The following SLC35D4 variants were observed in gnomAD, a reference collection of about 807,000 sequenced individuals.
SLC35D4 encodes UDP-N-acetylglucosamine transporter SLC35D4.
At chr18:23,410,477 C>CAA in the SLC35D4 span, among the ~76,000 whole-genome samples, 5 of 108,730 alleles carry the variant, frequency 4.6e-5, no homozygotes, top group African/African-American at 1.7e-4. Context: ...GACTCTGTCT[C>CAA]AAAAAAAAAA....
At chr18:23,388,351 C>A in the SLC35D4 span, among the ~76,000 whole-genome samples, 1 of 152,292 alleles carries the variant, frequency 6.6e-6, no homozygotes, top group East Asian at 1.9e-4. Context: ...CTTATTTAAA[C>A]CTCCTCCCAG....
the SLC35D4 span, among the ~76,000 whole-genome samples, chr18:23,372,036 C>T: frequency 2.2e-5 from 3 of 138,636 alleles, no homozygotes; most frequent in Non-Finnish European, 3.1e-5. Flanking sequence ...CCCGGGTTCA[C>T]GCCATTCTCC....
the SLC35D4 span, among the ~76,000 whole-genome samples, chr18:23,381,095 A>G: frequency 6.6e-6 from 1 of 152,214 alleles, no homozygotes; most frequent in South Asian, 2.1e-4. Context: ...CATCAAGAAC[A>G]TATTACAGCA....
the SLC35D4 span, among the ~76,000 whole-genome samples, chr18:23,286,022 A>T: frequency 6.6e-5 from 10 of 152,340 alleles, no homozygotes; most frequent in African/African-American, 2.4e-4. Flanking sequence ...CTAAAAGGTC[A>T]AAAGGCCGTC....
At chr18:23,422,463 C>T in the SLC35D4 span, among the ~76,000 whole-genome samples, 1 of 152,060 alleles carries the variant, frequency 6.6e-6, no homozygotes, top group Admixed American at 6.6e-5. Flanking sequence ...TTATTTATCC[C>T]CATAACAGCA....
chr18:23,377,330 A>T, the SLC35D4 span, among the ~76,000 whole-genome samples: 2 of 152,234 alleles, frequency 1.3e-5, no homozygotes, highest in Non-Finnish European at 2.9e-5. Context: ...TTACTTTTAA[A>T]TTTTTAAGTC....
chr18:23,399,480 G>A, the SLC35D4 span: 2 of 1,158,800 alleles, frequency 1.7e-6, no homozygotes, highest in Admixed American at 3.8e-5. Flanking sequence ...GTGATTCTTT[G>A]CCCTTATTGA....
the SLC35D4 span, among the ~76,000 whole-genome samples, chr18:23,332,530 G>A: frequency 6.6e-6 from 1 of 152,276 alleles, no homozygotes; most frequent in East Asian, 1.9e-4. Context: ...TTTTGGGTGT[G>A]TGATTCCACA....
the SLC35D4 span, among the ~76,000 whole-genome samples, chr18:23,407,157 T>C: frequency 4.9e-4 from 74 of 152,328 alleles, no homozygotes; most frequent in Non-Finnish European, 1.6e-4. Context: ...TCCATATCCA[T>C]AGTTTGCAAT....
the SLC35D4 span, among the ~76,000 whole-genome samples, chr18:23,374,728 G>A: frequency 2.0e-5 from 3 of 152,108 alleles, no homozygotes; most frequent in East Asian, 3.9e-4. Flanking sequence ...CAGGTGATCC[G>A]CCTGCCTCGG....
the SLC35D4 span, chr18:23,384,974 T>C: frequency 6.2e-7 from 1 of 1,611,674 alleles, no homozygotes; most frequent in Non-Finnish European, 8.5e-7. Context: ...CACTAGCATT[T>C]TGCATGATCG....
chr18:23,398,081 C>CA, the SLC35D4 span, among the ~76,000 whole-genome samples: 1 of 151,882 alleles, frequency 6.6e-6, no homozygotes, highest in Non-Finnish European at 1.5e-5. Flanking sequence ...AAAACAAAAA[C>CA]AAAAAAACGA....
chr18:23,297,851 T>A, the SLC35D4 span: 3 of 800,936 alleles, frequency 3.7e-6, no homozygotes, highest in Non-Finnish European at 5.9e-6. Context: ...CACATTCACT[T>A]GGGTGAGGGT....
the SLC35D4 span, among the ~76,000 whole-genome samples, chr18:23,344,704 C>T: frequency 8.6e-5 from 13 of 151,306 alleles, no homozygotes; most frequent in African/African-American, 2.7e-4. Context: ...TGGGTTCATG[C>T]CATTTTCCTG....
the SLC35D4 span, among the ~76,000 whole-genome samples, chr18:23,311,267 T>A: frequency 6.6e-6 from 1 of 152,192 alleles, no homozygotes; most frequent in African/African-American, 2.4e-5. Context: ...TTTTTAATAT[T>A]TGTTTGTAGA....
chr18:23,361,659 T>C, the SLC35D4 span, among the ~76,000 whole-genome samples: 7 of 151,966 alleles, frequency 4.6e-5, no homozygotes, highest in African/African-American at 1.7e-4. Flanking sequence ...TCCAACAGGC[T>C]CCACAATGCC....
the SLC35D4 span, chr18:23,253,987 G>C: frequency 3.3e-6 from 5 of 1,526,038 alleles, no homozygotes; most frequent in South Asian, 5.6e-5. Context: ...CCGGTCCGGG[G>C]TTCCTCTCTC....
chr18:23,280,630 G>A, the SLC35D4 span, among the ~76,000 whole-genome samples: 2 of 152,134 alleles, frequency 1.3e-5, no homozygotes, highest in Non-Finnish European at 2.9e-5. Context: ...TTAAAGTGGG[G>A]CCACCTCACA....
At chr18:23,273,867 T>C in the SLC35D4 span, among the ~76,000 whole-genome samples, 1 of 152,148 alleles carries the variant, frequency 6.6e-6, no homozygotes, top group Non-Finnish European at 1.5e-5. Context: ...CATACATACA[T>C]TACTATAATT....
Sources: gnomAD v4.1 joint callset for allele counts (sites outside exome capture counted in the v4.1 genomes callset) on GRCh38, gnomAD v4.1.1 for gene constraint, MANE v1.5 for transcripts, NCBI Gene and HGNC (gene_info 2026-07-23, HGNC 2026-07-21) for gene names.